Variants in ULBP2 observed in about 807,000 individuals in gnomAD.
ULBP2 encodes UL16-binding protein 2.
Under a neutral mutation model 23.6 loss-of-function variants are expected in ULBP2, and 21 were observed. The observed-to-expected ratio is 0.89, with a 90% confidence interval of 0.63 to 1.28. The LOEUF is 1.28. Among genes scored for constraint, ULBP2 ranks in the 50% most tolerant of loss-of-function variants. ULBP2 has a pLI of 0.00. For missense variants in ULBP2, 251 were observed against 306.0 expected, an observed-to-expected ratio of 0.82 and a Z score of 1.34; for synonymous variants, 82 against 112.8, an observed-to-expected ratio of 0.73 and a Z score of 1.73.
chr6:149,942,334 T>C (rs983274835), intron 1 of ULBP2, among the ~76,000 whole-genome samples, 177 bp downstream of exon 1: 1 of 152,140 alleles, frequency 6.6e-6, no homozygotes, highest in African/African-American at 2.4e-5. Context: ...CCGAGGCTGC[T>C]TCTTGCCCGG....
At chr6:149,942,844 C>T (rs912773948) in intron 1 of ULBP2, among the ~76,000 whole-genome samples, 2 of 152,108 alleles carry the variant, frequency 1.3e-5, no homozygotes, top group Admixed American at 1.3e-4. Flanking sequence ...TGCCTCTTGC[C>T]TGAGGACACA....
chr6:149,945,574 T>C lies in ULBP2; in HGVS notation c.349+2T>C, dbSNP rs1197491567. On this transcript the variant is annotated splice_donor_variant, in intron 2 of 4. Transcript: ENST00000367351. LOFTEE classifies it high-confidence loss of function. ...AGCTGGAGAATTACACACCCAAGGG[T>C]AAGTTTCAGATGGCCCAGGACAGCA... 3 of 1,613,864 alleles carry C rather than the reference T, an allele frequency of 1.9e-6. No individual in the cohort carries two copies. The highest frequency in any genetic ancestry group is 2.5e-6 in the Non-Finnish European group (3 of 1,179,836).
chr6:149,944,072 C>T (rs73782159), intron 1 of ULBP2, among the ~76,000 whole-genome samples: 6,811 of 151,950 alleles, frequency 0.045, 583 homozygotes, highest in African/African-American at 0.15. Context: ...TTGGAGAAGG[C>T]CACAAGGACT....
rs769474559 is a variant in ULBP2, at chr6:149,946,453, A to T, written c.431A>T (p.Asp144Val). The change falls in exon 3 of 5, where the codon GAT (aspartate) becomes GTT (valine). Residue 144 changes from aspartate (D) to valine (V), a missense_variant. Coordinates refer to ENST00000367351, the MANE Select transcript of ULBP2 (RefSeq NM_025217.4). ...HSSGSWQFSF[D>V]GQIFLLFDSE... is the part of the protein sequence containing the mutation. ...AGTGGATCTTGGCAGTTCAGTTTCG[A>T]TGGGCAGATCTTCCTCCTCTTTGAC... 6.2e-7 allele frequency: 1 copy of T among 1,614,208 alleles called. No homozygotes were observed. The highest frequency in any genetic ancestry group is 1.3e-5 in the African/African-American group (1 of 75,050).
chr6:149,948,053 TAA>T (rs2114688877), intron 4 of ULBP2, among the ~76,000 whole-genome samples: 1 of 152,308 alleles, frequency 6.6e-6, no homozygotes, highest in East Asian at 1.9e-4. Context: ...GAAGGATTTT[TAA>T]AAAGTCAGTC....
intron 4 of ULBP2, among the ~76,000 whole-genome samples, 155 bp from the exon 5 acceptor site, chr6:149,948,568 G>C (rs1778977730): frequency 6.6e-6 from 1 of 152,160 alleles, no homozygotes; most frequent in South Asian, 2.1e-4. Context: ...GAAAGAGGTA[G>C]GTCCAAGCTG....
intron 4 of ULBP2, among the ~76,000 whole-genome samples, chr6:149,947,959 G>A (rs1355299025): frequency 2.0e-5 from 3 of 152,264 alleles, no homozygotes; most frequent in Non-Finnish European, 4.4e-5. Context: ...TTGAAAAGGA[G>A]GGAGTGCAGG....
At chr6:149,947,196 A>T in intron 3 of ULBP2, 124 bp from the exon 4 acceptor site, 4 of 1,572,710 alleles carry the variant, frequency 2.5e-6, no homozygotes, top group Non-Finnish European at 3.5e-6. Flanking sequence ...TGGCTGCCCC[A>T]CACCAGGGGG....
rs777400418 is a variant in ULBP2 at position 149,946,669 on chromosome 6, G to T, written c.631+16G>T. The T allele has an allele frequency of 2.5e-6, 4 of 1,612,102 alleles. No individual in the cohort carries two copies. In the East Asian group the frequency reaches 8.9e-5, roughly 36 times the overall value. On this transcript the variant is annotated intron_variant, in intron 3 of 4. Coordinates refer to ENST00000367351, the MANE Select transcript of ULBP2 (RefSeq NM_025217.4). ...AGTGCAGGAGGTAACAGGAGAAAAAGAAACGGGGATCTCAAATGTGATCAG... is the reference window on the plus strand; with the variant it reads ...AGTGCAGGAGGTAACAGGAGAAAAATAAACGGGGATCTCAAATGTGATCAG...
chr6:149,942,999 G>A (rs931478293), intron 1 of ULBP2, among the ~76,000 whole-genome samples: 2 of 152,146 alleles, frequency 1.3e-5, no homozygotes, highest in African/African-American at 2.4e-5. Context: ...TTCTTCCTAC[G>A]GGGGTGTCAG....
Position 149,947,313 on chromosome 6 carries a change from A to G in ULBP2, c.632-7A>G, listed in dbSNP as rs1173982124. The G allele has an allele frequency of 2.0e-6, 3 of 1,502,286 alleles. No homozygotes were observed. Among genetic ancestry groups the G allele is most frequent in the East Asian group, 4.9e-5 (2 of 41,096 alleles). 93.1% of individuals were successfully genotyped at this position (1,502,286 alleles called of 1,614,324 possible). On this transcript the variant is annotated splice_region_variant and splice_polypyrimidine_tract_variant and intron_variant, in intron 3 of 4. Coordinates refer to ENST00000367351, the MANE Select transcript of ULBP2 (RefSeq NM_025217.4). ...CAAGGGTTGTCACTTTTGTGTTTCC[A>G]TTTCAGCACCACTCGCCATGTCCTC... is the stretch of plus-strand genomic sequence containing the variant.
intron 1 of ULBP2, among the ~76,000 whole-genome samples, chr6:149,943,923 T>C (rs1001668092): frequency 2.6e-5 from 4 of 151,938 alleles, no homozygotes; most frequent in Admixed American, 1.3e-4. Context: ...GCCTCGCTCA[T>C]CATGCATGGA....
intron 4 of ULBP2, among the ~76,000 whole-genome samples, chr6:149,947,956 G>A (rs1384312174): frequency 6.6e-6 from 1 of 152,264 alleles, no homozygotes; most frequent in African/African-American, 2.4e-5. Context: ...TAATTGAAAA[G>A]GAGGGAGTGC....
Position 149,946,637 on chromosome 6 carries a change from G to A in ULBP2, c.615G>A (p.Leu205=). The A allele has an allele frequency of 1.2e-6, 2 of 1,614,072 alleles. No homozygotes were observed. The highest frequency in any genetic ancestry group is 4.5e-5 in the East Asian group (2 of 44,864). ...TCTTGATGGGCATGGACAGCACCCT[G>A]GAGCCAAGTGCAGGAGGTAACAGGA... ...EDFLMGMDST[L]EPSAGAPLAM... Residue 205 remains leucine (L), a synonymous_variant, in exon 3 of 5, where the codon CTG becomes CTA. Coordinates refer to ENST00000367351, the MANE Select transcript of ULBP2 (RefSeq NM_025217.4).
At position 149,948,889 on chromosome 6, in the gene ULBP2, CAA is replaced by C. The variant is rs1431974672; in HGVS notation, c.*190_*191del. 2.6e-6 allele frequency: 1 copy of C among 386,892 alleles called. No individual in the cohort carries two copies. The highest frequency in any genetic ancestry group is 5.2e-6 in the Non-Finnish European group (1 of 192,548). The allele number at this position is 386,892 out of a possible 1,614,324, so 24.0% of individuals were successfully genotyped here. A position where few individuals can be genotyped will look rare whatever the true frequency, so the allele number is the denominator to read the frequency against. On this transcript the variant is annotated 3_prime_UTR_variant, in exon 5 of 5. Coordinates refer to ENST00000367351, the MANE Select transcript of ULBP2 (RefSeq NM_025217.4). Reference sequence around the variant, plus strand: ...TCACTGCCTTGATTCCTTTTGCCAACAATTTTACCAGCAGTTATACCTAACAT... The same window carrying C: ...TCACTGCCTTGATTCCTTTTGCCAACTTTTACCAGCAGTTATACCTAACAT...
At chr6:149,945,942 A>T (rs1778932722) in intron 2 of ULBP2, among the ~76,000 whole-genome samples, 2 of 75,212 alleles carry the variant, frequency 2.7e-5, no homozygotes, top group Non-Finnish European at 6.3e-5. Context: ...CTTTGTCTCA[A>T]AAAAAAAAAA....
chr6:149,942,616 C>A (rs1778880419), intron 1 of ULBP2, among the ~76,000 whole-genome samples: 1 of 151,978 alleles, frequency 6.6e-6, no homozygotes. Flanking sequence ...CTCCAGCGCC[C>A]CCAGGGCTGC....
intron 1 of ULBP2, among the ~76,000 whole-genome samples, chr6:149,944,986 G>A (rs1175759372): frequency 6.6e-6 from 1 of 151,012 alleles, no homozygotes; most frequent in Non-Finnish European, 1.5e-5. Flanking sequence ...TGCCATCCAG[G>A]CCCTTCCTCC....
Position 149,948,867 on chromosome 6 carries a change from C to G in ULBP2, c.*167C>G, listed in dbSNP as rs905204904. 1 of 417,696 alleles carries G rather than the reference C, an allele frequency of 2.4e-6. No homozygotes were observed. Among genetic ancestry groups the G allele is most frequent in the South Asian group, 1.7e-5 (1 of 58,688 alleles). The allele number at this position is 417,696 out of a possible 1,614,324, so 25.9% of individuals were successfully genotyped here. ...CATCATGGACCCAATAGCTCATTCACTGCCTTGATTCCTTTTGCCAACAAT... is the reference window on the plus strand; with the variant it reads ...CATCATGGACCCAATAGCTCATTCAGTGCCTTGATTCCTTTTGCCAACAAT... On this transcript the variant is annotated 3_prime_UTR_variant, in exon 5 of 5. Coordinates refer to ENST00000367351, the MANE Select transcript of ULBP2 (RefSeq NM_025217.4).
Sources: gnomAD v4.1 joint callset for allele counts (sites outside exome capture counted in the v4.1 genomes callset) on GRCh38, gnomAD v4.1.1 for gene constraint, MANE v1.5 for transcripts, NCBI Gene and HGNC (gene_info 2026-07-23, HGNC 2026-07-21) for gene names.